USH2A: variants seen among roughly 807,000 people sequenced by gnomAD.
The protein encoded by USH2A is Usher syndrome 2A (autosomal recessive, mild).
USH2A carries 443 observed loss-of-function variants against 538.9 expected under a neutral mutation model. That is an observed-to-expected ratio of 0.82 (90% CI 0.76 to 0.89). The LOEUF (loss-of-function observed/expected upper bound fraction) is 0.89. Among genes scored for constraint, USH2A ranks in the 40% least tolerant of loss-of-function variants. USH2A has a pLI of 0.00. For missense variants in USH2A, 6,633 were observed against 6,324.8 expected, an observed-to-expected ratio of 1.05 and a Z score of -1.65; for synonymous variants, 2,413 against 2,273.5, an observed-to-expected ratio of 1.06 and a Z score of -1.75.
chr1:216,339,626 T>G (rs1427769693), intron 4 of USH2A, among the ~76,000 whole-genome samples: 1 of 151,658 alleles, frequency 6.6e-6, no homozygotes, highest in Non-Finnish European at 1.5e-5. Context: ...GAACTGAAAT[T>G]ATAACAGTTT....
intron 30 of USH2A, 74 bp downstream of exon 30, chr1:216,070,027 G>A: frequency 3.3e-6 from 5 of 1,528,472 alleles, no homozygotes; most frequent in Non-Finnish European, 4.5e-6. Flanking sequence ...AAAAACATTT[G>A]CAGAAGATTT....
intron 11 of USH2A, among the ~76,000 whole-genome samples, chr1:216,265,939 T>C (rs946459331): frequency 1.3e-5 from 2 of 152,154 alleles, no homozygotes. Flanking sequence ...GGTTAACAGA[T>C]ACAAAATCAC....
At chr1:215,634,428 G>A (rs763265495) in intron 70 of USH2A, 31 bp downstream of exon 70, 1 of 1,614,050 alleles carries the variant, frequency 6.2e-7, no homozygotes, top group East Asian at 2.2e-5. Context: ...TCCAGTGATA[G>A]GGAAATGGGG....
chr1:215,962,168 T>C (rs1667218809), intron 37 of USH2A, among the ~76,000 whole-genome samples: 1 of 152,098 alleles, frequency 6.6e-6, no homozygotes, highest in Non-Finnish European at 1.5e-5. Context: ...AACACTCTGA[T>C]GACAAGACTG....
Position 216,422,424 on chromosome 1 carries a change from G to A in USH2A, c.-88C>T. On this transcript the variant is annotated 5_prime_UTR_variant, in exon 2 of 72. Coordinates refer to ENST00000307340, the MANE Select transcript of USH2A (RefSeq NM_206933.4). ...ACTTGCCAGCAATACTTTGAAGCAG[G>A]GTACTTTAAGTGATGTTGCGATACT... 2 of 1,582,152 alleles carry A rather than the reference G, an allele frequency of 1.3e-6. No individual in the cohort carries two copies. Among genetic ancestry groups the A allele is most frequent in the East Asian group, 2.3e-5 (1 of 43,602 alleles).
intron 30 of USH2A, among the ~76,000 whole-genome samples, 184 bp from the exon 31 acceptor site, chr1:216,048,831 A>T (rs948558876): frequency 1.3e-5 from 2 of 152,164 alleles, no homozygotes; most frequent in African/African-American, 4.8e-5. Context: ...TGTTGAATGG[A>T]AGGACTCATG....
rs1192882431 is a variant in USH2A at position 216,259,299 on chromosome 1, G to A, written c.1972-8201C>T. 2.6e-5 allele frequency among the ~76,000 whole-genome samples: 4 copies of A among 151,936 alleles called. No homozygotes were observed. In the East Asian group the frequency reaches 7.7e-4, roughly 29 times the overall value. On this transcript the variant is annotated intron_variant, in intron 11 of 71. Transcript: ENST00000307340. Reference sequence around the variant, plus strand: ...GCTGCACATGTGGTTGGGAGCAAAGGAAGGGAAAAAAAGATGTGTTTTAAT... The same window carrying A: ...GCTGCACATGTGGTTGGGAGCAAAGAAAGGGAAAAAAAGATGTGTTTTAAT...
Position 215,739,632 on chromosome 1 carries a change from A to G in USH2A, c.11711+1743T>C, listed in dbSNP as rs1481864140. Reference sequence around the variant, plus strand: ...CGTAAAATGGAAATTCACATTAACCATTTTTACGTGTTCATGTGTTTTTGA... The same window carrying G: ...CGTAAAATGGAAATTCACATTAACCGTTTTTACGTGTTCATGTGTTTTTGA... On this transcript the variant is annotated intron_variant, in intron 60 of 71. Transcript: ENST00000307340. Among the ~76,000 whole-genome samples the G allele has an allele frequency of 3.2e-4, 48 of 152,202 alleles. 1 individual carries two copies. The highest frequency in any genetic ancestry group is 2.9e-3 in the Admixed American group (44 of 15,280).
At chr1:216,164,993 T>C (rs2034137772) in intron 21 of USH2A, among the ~76,000 whole-genome samples, 1 of 152,180 alleles carries the variant, frequency 6.6e-6, no homozygotes, top group East Asian at 1.9e-4. Context: ...GGAGCCAGAT[T>C]TGAAACCTGG....
intron 32 of USH2A, among the ~76,000 whole-genome samples, chr1:216,020,766 A>G (rs1668827410): frequency 6.6e-6 from 1 of 152,172 alleles, no homozygotes; most frequent in South Asian, 2.1e-4. Context: ...GATTTGATCA[A>G]TCATGCCTAT....
intron 4 of USH2A, among the ~76,000 whole-genome samples, chr1:216,335,404 TA>T (rs1427476496): frequency 1.3e-5 from 2 of 151,070 alleles, no homozygotes; most frequent in African/African-American, 2.4e-5. Flanking sequence ...AAACTCAACC[TA>T]AAGCTAGCAG....
chr1:216,081,156 A>G (rs1364451813), intron 26 of USH2A, among the ~76,000 whole-genome samples: 1 of 152,120 alleles, frequency 6.6e-6, no homozygotes, highest in East Asian at 1.9e-4. Context: ...AGGTTTGTGA[A>G]GCCCAATACA....
chr1:215,836,468 A>ATATATATATATAATATATAT (rs1172056038), intron 47 of USH2A, among the ~76,000 whole-genome samples: 1 of 13,518 alleles, frequency 7.4e-5, no homozygotes, highest in African/African-American at 1.5e-4. Context: ...TATATATTAT[A>ATATATATATATAATATATAT]TATATATATA....
chr1:215,708,738 G>C (rs1157359879), intron 61 of USH2A, among the ~76,000 whole-genome samples: 1 of 152,142 alleles, frequency 6.6e-6, no homozygotes, highest in Non-Finnish European at 1.5e-5. Flanking sequence ...CACAGCAAGA[G>C]GTGGAGCTCA....
At chr1:216,133,207 CTTGAT>C (rs1035139654) in intron 21 of USH2A, among the ~76,000 whole-genome samples, 6 of 152,122 alleles carry the variant, frequency 3.9e-5, no homozygotes, top group African/African-American at 1.2e-4. Flanking sequence ...ATCTGGCTAA[CTTGAT>C]TTAACACAAT....
At chr1:216,297,125 T>G (rs1484452656) in intron 9 of USH2A, among the ~76,000 whole-genome samples, 1 of 152,028 alleles carries the variant, frequency 6.6e-6, no homozygotes, top group African/African-American at 2.4e-5. Flanking sequence ...TTGCTAGCCC[T>G]GTGTTCTTGA....
intron 38 of USH2A, among the ~76,000 whole-genome samples, chr1:215,930,413 G>T (rs569595338): frequency 2.0e-5 from 3 of 151,876 alleles, no homozygotes; most frequent in Admixed American, 6.6e-5. Flanking sequence ...GAAAAAAAAA[G>T]GTTTAAGTCT....
chr1:215,753,826 T>TA (rs202122021), intron 58 of USH2A, among the ~76,000 whole-genome samples: 1,976 of 151,440 alleles, frequency 0.013, 50 homozygotes, highest in African/African-American at 0.045. Flanking sequence ...GAAAAAAAAT[T>TA]AAAAAAAAAT....
intron 11 of USH2A, among the ~76,000 whole-genome samples, chr1:216,262,748 C>A (rs2036399042): frequency 6.6e-6 from 1 of 151,866 alleles, no homozygotes; most frequent in African/African-American, 2.4e-5. Flanking sequence ...ATGTATTTAA[C>A]TAGAAAGGTC....
Sources: allele counts gnomAD v4.1 joint callset (sites outside exome capture counted in the v4.1 genomes callset), GRCh38; gene constraint gnomAD v4.1.1; transcripts MANE v1.5; gene names NCBI Gene and HGNC (gene_info 2026-07-23, HGNC 2026-07-21).